Variants in PAPLN observed in about 807,000 individuals in gnomAD.
PAPLN encodes the protein papilin, proteoglycan like sulfated glycoprotein.
Under a neutral mutation model 159.0 loss-of-function variants are expected in PAPLN, and 146 were observed. The observed-to-expected ratio is 0.92, with a 90% CI of 0.80 to 1.05. The LOEUF (loss-of-function observed/expected upper bound fraction) is 1.05. Among genes scored for constraint, PAPLN ranks in the 50% least tolerant of loss-of-function variants. PAPLN has a pLI of 0.00. For missense variants in PAPLN, 1,720 were observed against 1,743.9 expected, an observed-to-expected ratio of 0.99 and a Z score of 0.24; for synonymous variants, 734 against 702.9, an observed-to-expected ratio of 1.04 and a Z score of -0.70.
chr14:73,253,527 G>C (rs952511552), intron 11 of PAPLN, among the ~76,000 whole-genome samples: 1 of 152,212 alleles, frequency 6.6e-6, no homozygotes, highest in African/African-American at 2.4e-5. Flanking sequence ...GGAAAGCCAA[G>C]GGGGAGGCGC....
chr14:73,236,539 G>A (rs530483014), upstream of PAPLN, among the ~76,000 whole-genome samples: 29 of 152,290 alleles, frequency 1.9e-4, no homozygotes, highest in Admixed American at 1.5e-3. Flanking sequence ...GAAGAAGGCT[G>A]GGCGCAGTGG....
chr14:73,244,632 T>A lies in PAPLN; in HGVS notation c.55-12T>A. 1 of 1,561,296 alleles carries A rather than the reference T, an allele frequency of 6.4e-7. No individual in the cohort carries two copies. The highest frequency in any genetic ancestry group is 8.7e-7 in the Non-Finnish European group (1 of 1,152,016). Reference sequence around the variant, plus strand: ...AGTGGGCAATGCTGATGCATGGTCCTGTCTTCTGCAGGCTCCCAAGGTGAG... The same window carrying A: ...AGTGGGCAATGCTGATGCATGGTCCAGTCTTCTGCAGGCTCCCAAGGTGAG... On this transcript the variant is annotated splice_polypyrimidine_tract_variant and intron_variant, in intron 2 of 26. Transcript: ENST00000644200.
rs1443979093 is a variant in PAPLN at position 73,259,494 on chromosome 14, C to T, written c.1934C>T (p.Ser645Phe). 3 of 1,603,452 alleles carry T rather than the reference C, an allele frequency of 1.9e-6. No individual in the cohort carries two copies. The highest frequency in any genetic ancestry group is 1.1e-5 in the South Asian group (1 of 89,660). The change falls in exon 16 of 27, where the codon TCT becomes TTT. Residue 645 changes from serine (S) to phenylalanine (F), a missense_variant. Ser to Phe is a radical substitution (Grantham distance 155, BLOSUM62 -2). Transcript: ENST00000644200. ...HGCCPDGHTA[S>F]LGPQWQGCPG... ...TGCTGCCCCGATGGCCACACGGCATCTCTCGGGCCTCAGTGGCAAGGCTGC... is the reference window on the plus strand; with the variant it reads ...TGCTGCCCCGATGGCCACACGGCATTTCTCGGGCCTCAGTGGCAAGGCTGC...
chr14:73,261,044 C>CCTGGG, intron 17 of PAPLN, 112 bp from the exon 18 acceptor site: 1 of 1,566,160 alleles, frequency 6.4e-7, no homozygotes, highest in Non-Finnish European at 8.7e-7. Flanking sequence ...TCTGGTCTCC[C>CCTGGG]CTGGGCTGGG....
chr14:73,260,677 G>A, intron 16 of PAPLN, 32 bp from the exon 17 acceptor site: 1 of 1,420,900 alleles, frequency 7.0e-7, no homozygotes, highest in South Asian at 1.8e-5. Context: ...GGGGCAGGCT[G>A]GGCAGTGAGG....
chr14:73,239,508 T>C (rs1386065859), intron 1 of PAPLN: 3 of 490,010 alleles, frequency 6.1e-6, no homozygotes, highest in South Asian at 3.8e-5. Flanking sequence ...TCTCTTTTTT[T>C]CCCCTCTGGA....
At chr14:73,256,547 A>AG (rs1218820695) in intron 14 of PAPLN, among the ~76,000 whole-genome samples, 12 of 151,524 alleles carry the variant, frequency 7.9e-5, no homozygotes, top group African/African-American at 2.2e-4. Context: ...AAAAAAAAAA[A>AG]AAAAGAAATA....
rs1459929239 is a variant in PAPLN at position 73,265,729 on chromosome 14, G to A, written c.3263+222G>A. On this transcript the variant is annotated intron_variant, in intron 23 of 26. Transcript: ENST00000644200. This position sits in a 1 kb window ranked among gnomAD's most constrained non-coding sequence, Gnocchi z 4.1. ...GAATGTGGTTAGTGGACAGAAATAA[G>A]AGGCCAGCTAACAGAGGTGATGACG... 6.6e-6 allele frequency among the ~76,000 whole-genome samples: 1 copy of A among 152,186 alleles called. No homozygotes were observed. The highest frequency in any genetic ancestry group is 1.5e-5 in the Non-Finnish European group (1 of 68,038).
intron 10 of PAPLN, 55 bp downstream of exon 10, chr14:73,252,196 G>A (rs1367684312): frequency 6.6e-6 from 10 of 1,510,504 alleles, no homozygotes; most frequent in Admixed American, 2.1e-5. Flanking sequence ...TGGATCCCAC[G>A]GCCACAGGTG....
chr14:73,251,931 C>T (rs1296715207), intron 9 of PAPLN, 87 bp from the exon 10 acceptor site: 1 of 1,549,054 alleles, frequency 6.5e-7, no homozygotes. Context: ...TGGCTCTGGG[C>T]TTGAGGCTGG....
intron 6 of PAPLN, among the ~76,000 whole-genome samples, chr14:73,250,387 C>A (rs1337727844): frequency 1.3e-5 from 2 of 152,236 alleles, no homozygotes; most frequent in Non-Finnish European, 2.9e-5. Context: ...GAAAAACAAA[C>A]AGCAGGGACA....
chr14:73,239,910 C>T lies in PAPLN; in HGVS notation c.54+78C>T, dbSNP rs919289053. On this transcript the variant is annotated intron_variant, in intron 2 of 26. Transcript: ENST00000644200. ...CGGGGACGCGCGGGCCCGCAGGCAA[C>T]GTCCCCAGGAAAGGGGCGATGTCAG... The T allele has an allele frequency of 2.7e-5, 40 of 1,475,736 alleles. No homozygotes were observed. The African/African-American group carries it at 4.4e-4, about 16-fold the overall frequency. The allele number at this position is 1,475,736 out of a possible 1,614,324, so 91.4% of individuals were successfully genotyped here. A position where few individuals can be genotyped will look rare whatever the true frequency, so the allele number is the denominator to read the frequency against.
rs890443279 is a variant in PAPLN, at chr14:73,245,048, C to A, written c.170+289C>A. The A allele has an allele frequency of 1.3e-5, 4 of 296,490 alleles. No individual in the cohort carries two copies. Among genetic ancestry groups the A allele is most frequent in the Non-Finnish European group, 1.9e-5 (3 of 157,922 alleles). 18.4% of individuals were successfully genotyped at this position (296,490 alleles called of 1,614,324 possible). ...GCAGGTGCAGTCAATTTTGCTGGAA[C>A]TGGTAAATAATCTTCAACCGGCAGT... On this transcript the variant is annotated intron_variant, in intron 3 of 26. Coordinates refer to ENST00000644200, the MANE Select transcript of PAPLN (RefSeq NM_001365906.3). This position sits in a 1 kb window ranked among gnomAD's most constrained non-coding sequence, Gnocchi z 4.2.
chr14:73,257,832 C>T (rs747995290), intron 14 of PAPLN, among the ~76,000 whole-genome samples: 24 of 138,438 alleles, frequency 1.7e-4, no homozygotes, highest in Non-Finnish European at 2.9e-4. Context: ...GGCGCGATCT[C>T]GGCTCACTGC....
rs774790786 is a variant in PAPLN at position 73,268,693 on chromosome 14, C to T, written c.3637C>T (p.Arg1213Cys). 5.6e-6 allele frequency: 9 copies of T among 1,612,854 alleles called. No individual in the cohort carries two copies. The highest frequency in any genetic ancestry group is 1.3e-5 in the African/African-American group (1 of 74,896). ...SAYQGSQAVSRSTEVKVVSPA... is the reference protein window; with the variant it reads ...SAYQGSQAVSCSTEVKVVSPA... ...CTACCAGGGGAGCCAGGCAGTCAGCCGCAGCACCGAGGTGAAGGTGGTCTC... is the reference window on the plus strand; with the variant it reads ...CTACCAGGGGAGCCAGGCAGTCAGCTGCAGCACCGAGGTGAAGGTGGTCTC... The change falls in exon 26 of 27, where the codon CGC becomes TGC. Residue 1213 changes from arginine to cysteine, a missense_variant. By Grantham distance (180) the Arg-to-Cys change is radical (BLOSUM62 -3). Coordinates refer to ENST00000644200, the MANE Select transcript of PAPLN (RefSeq NM_001365906.3).
Position 73,272,648 on chromosome 14 carries a change from A to G in PAPLN, c.3821A>G (p.Gln1274Arg), listed in dbSNP as rs757669716. ...ASCSRFQPHAQPIWQ is the reference protein window; with the variant it reads ...ASCSRFQPHARPIWQ The stretch of plus-strand genomic sequence containing the variant: ...TGTTCACGTTTCCAGCCTCACGCTC[A>G]GCCCATCTGGCAGTAGGGATGAAGG... The change falls in exon 27 of 27, where the codon CAG (glutamine) becomes CGG (arginine). Residue 1274 changes from glutamine (Q) to arginine (R), a missense_variant. Physicochemically the swap from Gln to Arg is conservative, Grantham distance 43 (BLOSUM62 1). Transcript: ENST00000644200. The G allele has an allele frequency of 3.2e-6, 5 of 1,579,270 alleles. No homozygotes were observed. The highest frequency in any genetic ancestry group is 4.3e-6 in the Non-Finnish European group (5 of 1,152,608).
At chr14:73,263,612 C>A (rs1453484896) in intron 19 of PAPLN, 33 bp from the exon 20 acceptor site, 7 of 1,612,996 alleles carry the variant, frequency 4.3e-6, no homozygotes, top group Non-Finnish European at 5.9e-6. Context: ...GGCGCTCATG[C>A]CAGTCAGCAG....
At position 73,263,630 on chromosome 14, in the gene PAPLN, T is replaced by G. The variant is rs768655109; in HGVS notation, c.2724-15T>G. ...GCTCATGCCAGTCAGCAGATCTCAC[T>G]TCCCACCTCTCCAGGATTAGCTTGG... On this transcript the variant is annotated splice_polypyrimidine_tract_variant and intron_variant, in intron 19 of 26. Transcript: ENST00000644200. The G allele has an allele frequency of 3.7e-6, 6 of 1,613,580 alleles. No individual in the cohort carries two copies. The South Asian group carries it at 6.6e-5, about 18-fold the overall frequency.
At chr14:73,257,744 C>T (rs1886077890) in intron 14 of PAPLN, among the ~76,000 whole-genome samples, 2 of 130,902 alleles carry the variant, frequency 1.5e-5, no homozygotes, top group South Asian at 2.4e-4. Context: ...ATTATCTAGT[C>T]TCTTTCTTCT....
Sources: gnomAD v4.1 joint callset for allele counts (sites outside exome capture counted in the v4.1 genomes callset) on GRCh38, gnomAD v4.1.1 for gene constraint, Gnocchi (gnomAD v3.1) non-coding constraint, MANE v1.5 for transcripts, NCBI Gene and HGNC (gene_info 2026-07-23, HGNC 2026-07-21) for gene names.